The following GRID2 variants were observed in gnomAD, a reference collection of about 807,000 sequenced individuals.
GRID2 encodes the protein glutamate ionotropic receptor delta type subunit 2, also known as glutamate receptor ionotropic, delta-2.
In GRID2, 33 loss-of-function variants were observed where a neutral mutation model predicts 114.8. The observed-to-expected ratio is 0.29, with a 90% CI of 0.22 to 0.38. The LOEUF (loss-of-function observed/expected upper bound fraction) is 0.38. GRID2 is among the 10% of genes least tolerant of loss of function. The pLI is 1.00. For missense variants in GRID2, 1,184 were observed against 1,257.7 expected (o/e 0.94, Z 0.89); for synonymous variants, 505 against 449.9 (o/e 1.12, Z -1.55).
At chr4:92,777,427 T>C (rs1738864137) in intron 2 of GRID2, among the ~76,000 whole-genome samples, 1 of 152,068 alleles carries the variant, frequency 6.6e-6, no homozygotes, top group South Asian at 2.1e-4. Flanking sequence ...CACTTAAAAA[T>C]TGTATTTCTC....
intron 1 of GRID2, among the ~76,000 whole-genome samples, chr4:92,395,416 G>A (rs1475513729): frequency 6.6e-6 from 1 of 151,468 alleles, no homozygotes; most frequent in African/African-American, 2.4e-5. Context: ...CAAACATATT[G>A]ACTGTTGATC....
chr4:93,072,706 C>T (rs1728917061), intron 2 of GRID2, among the ~76,000 whole-genome samples: 1 of 149,918 alleles, frequency 6.7e-6, no homozygotes, highest in South Asian at 2.1e-4. Flanking sequence ...TATTTTTAAA[C>T]AATAAGAAAT....
At chr4:93,412,367 C>G (rs1339508010) in intron 9 of GRID2, among the ~76,000 whole-genome samples, 1 of 151,976 alleles carries the variant, frequency 6.6e-6, no homozygotes, top group East Asian at 1.9e-4. Context: ...GCACTTCAAC[C>G]TGGGCAAGAT....
chr4:93,648,321 A>G (rs1414151758), intron 14 of GRID2, among the ~76,000 whole-genome samples: 2 of 152,182 alleles, frequency 1.3e-5, no homozygotes, highest in African/African-American at 2.4e-5. Context: ...AAAAAGTAAC[A>G]TGGGGAAAAA....
At chr4:92,324,498 CT>C (rs1726484302) in intron 1 of GRID2, among the ~76,000 whole-genome samples, 1 of 151,782 alleles carries the variant, frequency 6.6e-6, no homozygotes, top group East Asian at 1.9e-4. Flanking sequence ...ATAAAATATT[CT>C]TGATTATATT....
intron 14 of GRID2, among the ~76,000 whole-genome samples, chr4:93,691,735 A>C (rs1007205479): frequency 6.6e-6 from 1 of 152,044 alleles, no homozygotes; most frequent in Admixed American, 6.6e-5. Context: ...TATAGTATCT[A>C]TTACCTGAAT....
chr4:92,418,046 T>A (rs866054287), intron 1 of GRID2, among the ~76,000 whole-genome samples: 3 of 152,168 alleles, frequency 2.0e-5, no homozygotes, highest in Non-Finnish European at 4.4e-5. Flanking sequence ...TGTATGTTTT[T>A]ATTAGCAGTG....
chr4:93,359,889 A>C lies in GRID2; in HGVS notation c.1246-35718A>C, dbSNP rs910471622. ...AGGTGTAAAAAAAAAAAAAAAAAAA[A>C]AAAAAAAAAAAATGGGGTCAATAAT... On this transcript the variant is annotated intron_variant, in intron 8 of 15. Transcript: ENST00000282020. 4.1e-5 allele frequency among the ~76,000 whole-genome samples: 6 copies of C among 146,318 alleles called. No homozygotes were observed. In the South Asian group the frequency reaches 1.3e-3, roughly 32 times the overall value.
chr4:93,639,815 A>C (rs1721700775), intron 14 of GRID2, among the ~76,000 whole-genome samples: 1 of 11,220 alleles, frequency 8.9e-5, no homozygotes, highest in Non-Finnish European at 1.4e-4. Context: ...TTCCATATGA[A>C]CTTTAAAGTA....
At chr4:93,790,731 G>A (rs1471772729) in intron 1 of GRID2, among the ~76,000 whole-genome samples, 1 of 152,128 alleles carries the variant, frequency 6.6e-6, no homozygotes, top group Non-Finnish European at 1.5e-5. Flanking sequence ...AATGTTAAAT[G>A]TTTTTAGAAG....
intron 13 of GRID2, among the ~76,000 whole-genome samples, chr4:93,517,176 A>C (rs1054095922): frequency 6.6e-6 from 1 of 152,118 alleles, no homozygotes; most frequent in African/African-American, 2.4e-5. Flanking sequence ...GTATGAGTAG[A>C]GCCATAAACC....
chr4:93,700,043 A>G (rs562179979), intron 14 of GRID2, among the ~76,000 whole-genome samples: 66 of 152,250 alleles, frequency 4.3e-4, no homozygotes, highest in African/African-American at 1.6e-3. Context: ...TTACAGCAGC[A>G]AGTCCCTAAA....
At chr4:92,976,729 T>A (rs1161264067) in intron 2 of GRID2, among the ~76,000 whole-genome samples, 1 of 152,152 alleles carries the variant, frequency 6.6e-6, no homozygotes, top group African/African-American at 2.4e-5. Flanking sequence ...AAAATTGACT[T>A]GATGTCTATT....
intron 2 of GRID2, among the ~76,000 whole-genome samples, chr4:92,902,412 T>A (rs976603281): frequency 1.3e-5 from 2 of 152,054 alleles, no homozygotes; most frequent in Admixed American, 6.5e-5. Flanking sequence ...GTTGATTCTT[T>A]GTAATTTTTT....
chr4:93,273,078 T>C (rs1167608743), intron 8 of GRID2, among the ~76,000 whole-genome samples: 1 of 152,230 alleles, frequency 6.6e-6, no homozygotes, highest in Non-Finnish European at 1.5e-5. Flanking sequence ...ATTTTCTTTA[T>C]AGCACTCATT....
At chr4:93,503,021 G>T (rs567133555) in intron 12 of GRID2, among the ~76,000 whole-genome samples, 25 of 152,188 alleles carry the variant, frequency 1.6e-4, no homozygotes, top group African/African-American at 5.1e-4. Context: ...CAGTTAATAA[G>T]ACCTGGCTCT....
intron 8 of GRID2, among the ~76,000 whole-genome samples, chr4:93,321,710 A>C (rs1183388564): frequency 6.6e-6 from 1 of 151,732 alleles, no homozygotes; most frequent in Non-Finnish European, 1.5e-5. Context: ...TATATTCTCT[A>C]GGTTTTCATT....
chr4:92,394,111 T>C (rs1382547040), intron 1 of GRID2, among the ~76,000 whole-genome samples: 1 of 152,176 alleles, frequency 6.6e-6, no homozygotes, highest in African/African-American at 2.4e-5. Context: ...TGCTAGGTTT[T>C]ATGTGACATT....
chr4:93,004,817 C>CAGTTCTCTG (rs1457385646), intron 2 of GRID2, among the ~76,000 whole-genome samples: 4 of 152,032 alleles, frequency 2.6e-5, no homozygotes, highest in African/African-American at 9.7e-5. Context: ...ATTCAATGGC[C>CAGTTCTCTG]AGTTCTCTGT....
Sources: gnomAD v4.1 joint callset for allele counts (sites outside exome capture counted in the v4.1 genomes callset) on GRCh38, gnomAD v4.1.1 for gene constraint, MANE v1.5 for transcripts, NCBI Gene and HGNC (gene_info 2026-07-23, HGNC 2026-07-21) for gene names.